Variants in RALGAPA1 observed in about 807,000 individuals in gnomAD.
RALGAPA1 encodes Ral GTPase activating protein catalytic subunit alpha 1, also known as ral GTPase-activating protein subunit alpha-1.
In RALGAPA1, 52 loss-of-function variants were observed where a neutral mutation model predicts 269.6. That is an observed-to-expected ratio of 0.19 (90% CI 0.15 to 0.24). The LOEUF is 0.24. Ranked by LOEUF, RALGAPA1 falls within the 10% of genes least tolerant of loss-of-function variation. RALGAPA1 has a pLI of 1.00. For missense variants in RALGAPA1, 1,917 were observed against 3,013.9 expected (o/e 0.64, Z 8.52); for synonymous variants, 817 against 1,008.3 (o/e 0.81, Z 3.60).
intron 12 of RALGAPA1, among the ~76,000 whole-genome samples, chr14:35,732,179 C>T (rs905794112): frequency 2.0e-5 from 3 of 152,090 alleles, no homozygotes; most frequent in Non-Finnish European, 4.4e-5. Flanking sequence ...TTCAGATAAA[C>T]AAATGCTGAG....
intron 18 of RALGAPA1, among the ~76,000 whole-genome samples, 195 bp from the exon 19 acceptor site, chr14:35,686,861 T>A (rs1167201549): frequency 1.3e-5 from 2 of 152,244 alleles, no homozygotes; most frequent in African/African-American, 2.4e-5. Flanking sequence ...ACTAAGCAGA[T>A]GTTAGTCAAT....
chr14:35,685,264 G>A (rs1448081816), intron 19 of RALGAPA1, 119 bp from the exon 20 acceptor site: 1 of 867,400 alleles, frequency 1.2e-6, no homozygotes, highest in Non-Finnish European at 1.7e-6. Context: ...TGAAGTAGGA[G>A]TGGAGAACAC....
intron 26 of RALGAPA1, among the ~76,000 whole-genome samples, chr14:35,666,017 C>CTT (rs60498434): frequency 2.8e-5 from 4 of 144,600 alleles, no homozygotes; most frequent in Admixed American, 7.0e-5. Context: ...GTGTTTCCTC[C>CTT]TTTTTTTTTT....
intron 26 of RALGAPA1, among the ~76,000 whole-genome samples, chr14:35,669,509 C>T (rs1384793258): frequency 6.6e-6 from 1 of 152,216 alleles, no homozygotes; most frequent in Non-Finnish European, 1.5e-5. Flanking sequence ...CCGCCTCAGC[C>T]TCCCAAAGTG....
chr14:35,777,705 G>C lies in RALGAPA1; in HGVS notation c.107-1960C>G, dbSNP rs560960988. 6.6e-5 allele frequency among the ~76,000 whole-genome samples: 10 copies of C among 152,198 alleles called. No homozygotes were observed. In the East Asian group the frequency reaches 1.9e-3, roughly 29 times the overall value. On this transcript the variant is annotated intron_variant, in intron 1 of 41. Coordinates refer to ENST00000680220, the MANE Select transcript of RALGAPA1 (RefSeq NM_001346249.2). Reference sequence around the variant, plus strand: ...AGACTCCCGAGTAGCTGGGATTACAGGTGCCCACTATCACACCTGGCTAAT... The same window carrying C: ...AGACTCCCGAGTAGCTGGGATTACACGTGCCCACTATCACACCTGGCTAAT...
chr14:35,543,962 A>G (rs1288413874), intron 41 of RALGAPA1, among the ~76,000 whole-genome samples: 1 of 152,172 alleles, frequency 6.6e-6, no homozygotes, highest in Non-Finnish European at 1.5e-5. Flanking sequence ...ATAATTTAAA[A>G]TAGTAGAGAA....
rs190289387 is a variant in RALGAPA1, at chr14:35,695,359, C to T, written c.2407+4803G>A. Reference sequence around the variant, plus strand: ...AAATTCTTGATTGTATAAAGAAGGGCCTACTTCTTTGATGAGATGAAAAAT... The same window carrying T: ...AAATTCTTGATTGTATAAAGAAGGGTCTACTTCTTTGATGAGATGAAAAAT... On this transcript the variant is annotated intron_variant, in intron 17 of 41. Coordinates refer to ENST00000680220, the MANE Select transcript of RALGAPA1 (RefSeq NM_001346249.2). Among the ~76,000 whole-genome samples the T allele has an allele frequency of 2.0e-4, 30 of 152,156 alleles. 1 individual carries two copies. In the East Asian group the frequency reaches 5.8e-3, roughly 29 times the overall value.
chr14:35,613,000 G>A (rs1369849750), intron 35 of RALGAPA1, among the ~76,000 whole-genome samples: 1 of 151,802 alleles, frequency 6.6e-6, no homozygotes, highest in Non-Finnish European at 1.5e-5. Flanking sequence ...TCATATATCT[G>A]ATAAAGAACT....
chr14:35,550,180 T>C (rs184775177), intron 39 of RALGAPA1, among the ~76,000 whole-genome samples: 36 of 152,332 alleles, frequency 2.4e-4, no homozygotes, highest in African/African-American at 8.2e-4. Context: ...TGTCAAAATG[T>C]AGAGCAGCAG....
chr14:35,668,717 A>C (rs2064158444), intron 26 of RALGAPA1, among the ~76,000 whole-genome samples: 1 of 152,078 alleles, frequency 6.6e-6, no homozygotes, highest in Admixed American at 6.6e-5. Flanking sequence ...TTGTGGGAGG[A>C]TTGCTTAAGC....
At chr14:35,567,643 G>A (rs929510135) in intron 39 of RALGAPA1, among the ~76,000 whole-genome samples, 1 of 152,028 alleles carries the variant, frequency 6.6e-6, no homozygotes, top group African/African-American at 2.4e-5. Flanking sequence ...ACTATGAACA[G>A]GGATGTAGAA....
chr14:35,713,140 G>T (rs149116795), intron 16 of RALGAPA1, among the ~76,000 whole-genome samples: 132 of 152,304 alleles, frequency 8.7e-4, no homozygotes, highest in Non-Finnish European at 5.3e-4. Flanking sequence ...GTAGAAAACG[G>T]ATCTGGAGGT....
chr14:35,715,185 A>G (rs2068705625), intron 16 of RALGAPA1, among the ~76,000 whole-genome samples: 1 of 152,174 alleles, frequency 6.6e-6, no homozygotes, highest in Non-Finnish European at 1.5e-5. Context: ...TGGTATTCCA[A>G]CTAGACACAT....
chr14:35,544,688 A>T (rs79468371), intron 41 of RALGAPA1, among the ~76,000 whole-genome samples: 6,148 of 152,288 alleles, frequency 0.04, 359 homozygotes, highest in African/African-American at 0.12. Flanking sequence ...AATAGAACAT[A>T]TCTGGCTGCC....
chr14:35,756,740 A>C, intron 7 of RALGAPA1, 53 bp downstream of exon 7: 1 of 1,215,126 alleles, frequency 8.2e-7, no homozygotes, highest in African/African-American at 1.5e-5. Flanking sequence ...CAGAAAAGGG[A>C]ATCACCCACA....
At chr14:35,719,295 T>C (rs2069152521) in intron 16 of RALGAPA1, among the ~76,000 whole-genome samples, 1 of 152,156 alleles carries the variant, frequency 6.6e-6, no homozygotes. Context: ...CTCTGCACTC[T>C]AGTTTGGGTG....
intron 37 of RALGAPA1, among the ~76,000 whole-genome samples, chr14:35,590,562 C>T (rs149155333): frequency 8.5e-5 from 13 of 152,224 alleles, no homozygotes; most frequent in East Asian, 5.8e-4. Flanking sequence ...GCTCACACTC[C>T]GTGGCCTGCC....
At chr14:35,621,409 C>T (rs1015404550) in intron 35 of RALGAPA1, among the ~76,000 whole-genome samples, 1 of 152,020 alleles carries the variant, frequency 6.6e-6, no homozygotes, top group East Asian at 1.9e-4. Flanking sequence ...CCATCAAAAC[C>T]CTAGAAGAAA....
At chr14:35,735,908 AATG>A (rs1187362684) in intron 12 of RALGAPA1, among the ~76,000 whole-genome samples, 1 of 152,180 alleles carries the variant, frequency 6.6e-6, no homozygotes, top group East Asian at 1.9e-4. Flanking sequence ...TCTGAGGAGC[AATG>A]ATGGCCTTAT....
Sources: gnomAD v4.1 joint callset for allele counts (sites outside exome capture counted in the v4.1 genomes callset) on GRCh38, gnomAD v4.1.1 for gene constraint, MANE v1.5 for transcripts, NCBI Gene and HGNC (gene_info 2026-07-23, HGNC 2026-07-21) for gene names.